Variants in OTUD7A observed in about 807,000 individuals in gnomAD.
OTUD7A encodes the protein OTU deubiquitinase 7A.
In OTUD7A, 12 loss-of-function variants were observed where a neutral mutation model predicts 65.7. The ratio of observed to expected loss-of-function variants is 0.18; its 90% CI spans 0.12 to 0.30. OTUD7A has a LOEUF of 0.30. Among genes scored for constraint, OTUD7A ranks in the 10% least tolerant of loss-of-function variants. The pLI is 1.00. For missense variants in OTUD7A, 1,148 were observed against 1,304.8 expected (o/e 0.88, Z 1.85); for synonymous variants, 641 against 586.3 (o/e 1.09, Z -1.35).
chr15:31,834,995 AT>A (rs763978912), intron 1 of OTUD7A, among the ~76,000 whole-genome samples: 8 of 152,234 alleles, frequency 5.3e-5, no homozygotes, highest in Non-Finnish European at 8.8e-5. Flanking sequence ...GTAACACCCC[AT>A]CCCCCAGCCC....
chr15:31,608,362 T>C (rs1890297327), intron 3 of OTUD7A, among the ~76,000 whole-genome samples: 1 of 152,178 alleles, frequency 6.6e-6, no homozygotes, highest in Non-Finnish European at 1.5e-5. Flanking sequence ...GGTTAAGAGC[T>C]GACTGGGCAA....
chr15:31,668,265 T>C (rs1215693618), intron 1 of OTUD7A, among the ~76,000 whole-genome samples: 1 of 152,202 alleles, frequency 6.6e-6, no homozygotes, highest in African/African-American at 2.4e-5. Flanking sequence ...AAATCTCTTA[T>C]TCCTCAGGAA....
At chr15:31,629,596 T>C (rs1239686080) in intron 3 of OTUD7A, among the ~76,000 whole-genome samples, 3 of 152,244 alleles carry the variant, frequency 2.0e-5, no homozygotes, top group African/African-American at 7.2e-5. Flanking sequence ...ATCAGGATGA[T>C]GCTGGCCTCA....
At chr15:31,680,573 T>C (rs1234291144) in intron 1 of OTUD7A, among the ~76,000 whole-genome samples, 1 of 152,150 alleles carries the variant, frequency 6.6e-6, no homozygotes, top group Non-Finnish European at 1.5e-5. Flanking sequence ...ATGAGGGCTC[T>C]TAGGAGCTCA....
intron 8 of OTUD7A, 122 bp from the exon 9 acceptor site, chr15:31,503,940 C>T (rs762668864): frequency 4.4e-5 from 53 of 1,198,034 alleles, no homozygotes; most frequent in Non-Finnish European, 5.5e-5. Flanking sequence ...TCATGGACCC[C>T]GGCAGCTGCG....
chr15:31,856,789 C>A (rs1034351789), intron 1 of OTUD7A, among the ~76,000 whole-genome samples: 3 of 152,192 alleles, frequency 2.0e-5, no homozygotes, highest in Non-Finnish European at 2.9e-5. Flanking sequence ...AAGGAAAGAA[C>A]ACAAGGAAAT....
intron 1 of OTUD7A, among the ~76,000 whole-genome samples, chr15:31,842,135 T>C (rs1255673394): frequency 4.6e-5 from 7 of 152,210 alleles, no homozygotes; most frequent in African/African-American, 1.7e-4. Flanking sequence ...AGGAGCAAAA[T>C]GGAAAACATG....
intron 1 of OTUD7A, among the ~76,000 whole-genome samples, chr15:31,866,046 G>C (rs1371272758): frequency 1.3e-5 from 2 of 152,160 alleles, no homozygotes; most frequent in Admixed American, 6.5e-5. Context: ...CCTACAAAAT[G>C]AGTTTACTTT....
chr15:31,628,386 G>A (rs1186182722), intron 3 of OTUD7A, among the ~76,000 whole-genome samples: 8 of 152,042 alleles, frequency 5.3e-5, no homozygotes, highest in East Asian at 3.9e-4. Flanking sequence ...CAGGTTTGTC[G>A]AAGATCAGAT....
chr15:31,649,925 C>A, intron 3 of OTUD7A: 1 of 185,378 alleles, frequency 5.4e-6, no homozygotes, highest in South Asian at 7.0e-5. Flanking sequence ...GGAGTCAATG[C>A]AGCTCCTAAC....
intron 3 of OTUD7A, among the ~76,000 whole-genome samples, chr15:31,640,675 C>T (rs1013921769): frequency 6.6e-6 from 1 of 151,386 alleles, no homozygotes; most frequent in Admixed American, 6.6e-5. Context: ...TCTTAACTTT[C>T]CAATTTGTTT....
chr15:31,858,849 C>T (rs1897646172), intron 1 of OTUD7A, among the ~76,000 whole-genome samples: 1 of 152,184 alleles, frequency 6.6e-6, no homozygotes, highest in African/African-American at 2.4e-5. Context: ...TGGAGCCCAC[C>T]AGACCAACTA....
chr15:31,551,497 C>A (rs1009821316), intron 5 of OTUD7A, among the ~76,000 whole-genome samples: 1 of 152,152 alleles, frequency 6.6e-6, no homozygotes, highest in South Asian at 2.1e-4. Context: ...TGGTTTCACA[C>A]GTGGGGAGCT....
chr15:31,577,513 G>A (rs1457862585), intron 3 of OTUD7A, among the ~76,000 whole-genome samples: 1 of 152,086 alleles, frequency 6.6e-6, no homozygotes, highest in Non-Finnish European at 1.5e-5. Context: ...TTTTTAAGCT[G>A]AACCAATGTA....
At chr15:31,819,859 T>C (rs1567040228) in intron 1 of OTUD7A, among the ~76,000 whole-genome samples, 1 of 152,110 alleles carries the variant, frequency 6.6e-6, no homozygotes, top group Admixed American at 6.5e-5. Flanking sequence ...ATATTCGATA[T>C]ATGTAATTAT....
intron 5 of OTUD7A, among the ~76,000 whole-genome samples, chr15:31,548,526 C>A (rs754849392): frequency 1.8e-4 from 28 of 152,192 alleles, no homozygotes; most frequent in Non-Finnish European, 3.2e-4. Context: ...CATTTCACAG[C>A]CAGGCAGCCA....
intron 10 of OTUD7A, among the ~76,000 whole-genome samples, chr15:31,494,650 C>G (rs955681620): frequency 3.3e-5 from 5 of 152,216 alleles, no homozygotes; most frequent in Non-Finnish European, 7.3e-5. Context: ...GTGAAGCTCT[C>G]AGCCCCAGAG....
At chr15:31,530,236 T>G (rs1476404128) in intron 6 of OTUD7A, among the ~76,000 whole-genome samples, 1 of 152,166 alleles carries the variant, frequency 6.6e-6, no homozygotes, top group Non-Finnish European at 1.5e-5. Context: ...CCCAACCTCA[T>G]GCACTGCTCC....
At chr15:31,749,236 T>G (rs187524213) in intron 1 of OTUD7A, among the ~76,000 whole-genome samples, 1 of 152,228 alleles carries the variant, frequency 6.6e-6, no homozygotes, top group East Asian at 1.9e-4. Context: ...TGTATACATA[T>G]GTAACTAACC....
Sources: gnomAD v4.1 joint callset for allele counts (sites outside exome capture counted in the v4.1 genomes callset) on GRCh38, gnomAD v4.1.1 for gene constraint, MANE v1.5 for transcripts, NCBI Gene and HGNC (gene_info 2026-07-23, HGNC 2026-07-21) for gene names.